Variants in ZFP14 observed in about 807,000 individuals in gnomAD.
ZFP14 encodes the protein zinc finger protein 14 homolog.
ZFP14 carries 22 observed loss-of-function variants against 54.5 expected under a neutral mutation model. That is an observed-to-expected ratio of 0.40 (90% CI 0.29 to 0.58). ZFP14 has a LOEUF of 0.58. Among genes scored for constraint, ZFP14 ranks in the 20% least tolerant of loss-of-function variants. The probability of loss-of-function intolerance (pLI) is 0.39; values close to 1 mark genes in which losing one functional copy is unlikely to be tolerated. For synonymous variants in ZFP14, 159 were observed against 204.0 expected, an observed-to-expected ratio of 0.78 and a Z score of 1.88; for missense variants, 470 against 637.8, an observed-to-expected ratio of 0.74 and a Z score of 2.83.
chr19:36,362,541 T>C (rs770060231), intron 2 of ZFP14, among the ~76,000 whole-genome samples: 2 of 152,182 alleles, frequency 1.3e-5, no homozygotes, highest in Non-Finnish European at 2.9e-5. Flanking sequence ...CGCAAGCCTT[T>C]TGAATACTAT....
At chr19:36,345,092 C>T (rs757630128) in intron 4 of ZFP14, among the ~76,000 whole-genome samples, 2 of 152,092 alleles carry the variant, frequency 1.3e-5, no homozygotes, top group African/African-American at 2.4e-5. Flanking sequence ...AGAGAAACCC[C>T]ATCTCTACTA....
At chr19:36,363,953 G>A (rs1324669234) in intron 2 of ZFP14, among the ~76,000 whole-genome samples, 3 of 151,184 alleles carry the variant, frequency 2.0e-5, no homozygotes, top group Non-Finnish European at 4.4e-5. Context: ...TCACACTACT[G>A]CACTCCAGCC....
rs1258898824 is a variant in ZFP14, at chr19:36,337,631, C to T, written c.*2593G>A. On this transcript the variant is annotated 3_prime_UTR_variant, in exon 5 of 5. Coordinates refer to ENST00000270001, the MANE Select transcript of ZFP14 (RefSeq NM_020917.3). Reference sequence around the variant, plus strand: ...TCAGTGGAGGATCCTGGAACCAATTCCCCATGGATACCAAGGGATGACCAT... The same window carrying T: ...TCAGTGGAGGATCCTGGAACCAATTTCCCATGGATACCAAGGGATGACCAT... 2 of 141,456 alleles carry T rather than the reference C, an allele frequency of 1.4e-5. No homozygotes were observed. Among genetic ancestry groups the T allele is most frequent in the Middle Eastern group, 3.3e-3 (1 of 306 alleles). The allele number at this position is 141,456 out of a possible 1,614,324, so 8.8% of individuals were successfully genotyped here. A position where few individuals can be genotyped will look rare whatever the true frequency, so the allele number is the denominator to read the frequency against.
chr19:36,342,427 T>TC (rs1473883767), intron 4 of ZFP14, among the ~76,000 whole-genome samples: 2 of 152,032 alleles, frequency 1.3e-5, no homozygotes, highest in African/African-American at 4.8e-5. Flanking sequence ...CCTCAGGTGA[T>TC]CCGCCCGCCT....
chr19:36,369,960 A>T (rs1421500170), intron 1 of ZFP14, among the ~76,000 whole-genome samples: 2 of 152,116 alleles, frequency 1.3e-5, no homozygotes, highest in Admixed American at 6.6e-5. Context: ...TCAGATTCCC[A>T]AGCAGTTGGG....
chr19:36,357,292 C>T (rs978056942), intron 4 of ZFP14, among the ~76,000 whole-genome samples: 1 of 152,212 alleles, frequency 6.6e-6, no homozygotes, highest in African/African-American at 2.4e-5. Flanking sequence ...ATCTGCCCGC[C>T]TTGGCCTCCC....
rs1383298707 is a variant in ZFP14, at chr19:36,334,751, T to C, written c.*5473A>G. The stretch of plus-strand genomic sequence containing the variant: ...TGGTAGCATCTAACAAAGCTGTTCC[T>C]ATTCCAGATATTCGGACTGAGAATT... On this transcript the variant is annotated 3_prime_UTR_variant, in exon 5 of 5. Transcript: ENST00000270001. The C allele has an allele frequency of 6.6e-6, 1 of 152,248 alleles. No homozygotes were observed. Among genetic ancestry groups the C allele is most frequent in the Admixed American group, 6.5e-5 (1 of 15,292 alleles). The allele number at this position is 152,248 out of a possible 1,614,324, so 9.4% of individuals were successfully genotyped here.
At position 36,356,139 on chromosome 19, in the gene ZFP14, C is replaced by CATGGATTTG. The variant is rs1461506444; in HGVS notation, c.235+4295_235+4296insCAAATCCAT. Among the ~76,000 whole-genome samples, 19 of 102,914 alleles carry CATGGATTTG rather than the reference C, an allele frequency of 1.8e-4. 1 individual carries two copies. Among genetic ancestry groups the CATGGATTTG allele is most frequent in the East Asian group, 5.6e-4 (2 of 3,542 alleles). 67.5% of individuals were successfully genotyped at this position (102,914 alleles called of 152,430 possible). A position where few individuals can be genotyped will look rare whatever the true frequency, so the allele number is the denominator to read the frequency against. On this transcript the variant is annotated intron_variant, in intron 4 of 4. Transcript: ENST00000270001. ...GGTAAGTATAGCACAATATTCAAAA[C>CATGGATTTG]AAGAAATTAATGGGGCTGGGCGCAG... is the stretch of plus-strand genomic sequence containing the variant.
chr19:36,341,226 A>G lies in ZFP14; in HGVS notation c.600T>C (p.Tyr200=). The part of the protein sequence containing the change: ...HLRIHTGEKP[Y]KCKECGQAFR... ...AGGCCTGCCCACATTCCTTACACTT[A>G]TAAGGTTTCTCACCAGTATGAATTC... is the stretch of plus-strand genomic sequence containing the variant. Residue 200 remains tyrosine (Y), a synonymous_variant, in exon 5 of 5, where the codon TAT becomes TAC. Transcript: ENST00000270001. The surrounding 1 kb of genome is among the most constrained non-coding windows in gnomAD (Gnocchi z 4.2). 1.2e-6 allele frequency: 2 copies of G among 1,614,194 alleles called. No homozygotes were observed. Among genetic ancestry groups the G allele is most frequent in the Middle Eastern group, 1.6e-4 (1 of 6,062 alleles).
intron 1 of ZFP14, among the ~76,000 whole-genome samples, chr19:36,376,073 A>C (rs984292568): frequency 1.3e-5 from 2 of 152,076 alleles, no homozygotes; most frequent in African/African-American, 4.8e-5. Flanking sequence ...ATTTTTCTGC[A>C]TGATATTAGA....
chr19:36,365,656 T>TA (rs11410571), intron 2 of ZFP14, among the ~76,000 whole-genome samples: 95,905 of 150,346 alleles, frequency 0.64, 30,945 homozygotes, highest in African/African-American at 0.74. Flanking sequence ...TTTTTGTTTT[T>TA]TAAAAAAAAG....
intron 4 of ZFP14, among the ~76,000 whole-genome samples, chr19:36,357,270 C>G (rs1013305941): frequency 2.6e-5 from 4 of 152,018 alleles, no homozygotes; most frequent in Non-Finnish European, 4.4e-5. Flanking sequence ...CTCAAACTCC[C>G]AATATCAGGC....
intron 2 of ZFP14, among the ~76,000 whole-genome samples, chr19:36,366,463 T>C (rs187064124): frequency 1.6e-3 from 237 of 152,010 alleles, no homozygotes; most frequent in African/African-American, 5.1e-3. Flanking sequence ...CGTCTATAGG[T>C]GTGCCACCAT....
At chr19:36,367,520 G>A (rs770140935) in intron 2 of ZFP14, among the ~76,000 whole-genome samples, 5 of 151,846 alleles carry the variant, frequency 3.3e-5, no homozygotes, top group Non-Finnish European at 4.4e-5. Flanking sequence ...TTGCTCTGTC[G>A]CCCCAGCTGG....
At chr19:36,370,047 C>T (rs1437698900) in intron 1 of ZFP14, among the ~76,000 whole-genome samples, 1 of 152,140 alleles carries the variant, frequency 6.6e-6, no homozygotes, top group African/African-American at 2.4e-5. Context: ...CAAAATAGTT[C>T]TTTCCATCTA....
At position 36,340,728 on chromosome 19, in the gene ZFP14, T is replaced by C. The variant is rs1227595496; in HGVS notation, c.1098A>G (p.Lys366=). ...TCCCACATTCCTTACATTCGTAGGG[T>C]TTCTCACCAGTATGAATACTCTGAT... is the stretch of plus-strand genomic sequence containing the variant. ...TVHQSIHTGE[K]PYECKECGKT... The change falls in exon 5 of 5, where the codon AAA becomes AAG. Residue 366 remains lysine (K), a synonymous_variant. Coordinates refer to ENST00000270001, the MANE Select transcript of ZFP14 (RefSeq NM_020917.3). This position sits in a 1 kb window ranked among gnomAD's most constrained non-coding sequence, Gnocchi z 5.4. 1.2e-6 allele frequency: 2 copies of C among 1,613,788 alleles called. No individual in the cohort carries two copies. Among genetic ancestry groups the C allele is most frequent in the East Asian group, 2.2e-5 (1 of 44,866 alleles).
chr19:36,361,514 ACAGG>A (rs2031710305), intron 3 of ZFP14, among the ~76,000 whole-genome samples: 1 of 151,770 alleles, frequency 6.6e-6, no homozygotes, highest in Admixed American at 6.6e-5. Context: ...TGCTAGGATT[ACAGG>A]CATGAGCCAC....
chr19:36,341,343 C>G lies in ZFP14; in HGVS notation c.483G>C (p.Glu161Asp). The G allele has an allele frequency of 1.9e-6, 3 of 1,614,158 alleles. No homozygotes were observed. The highest frequency in any genetic ancestry group is 1.7e-6 in the Non-Finnish European group (2 of 1,180,020). ...TTTCTCCATTATGAACGATCTGATA[C>G]TCAGTAAGAAAATTGTGCCTTTTGT... ...TTYKRHNFLTEYQIVHNGEKV... is the reference protein window; with the variant it reads ...TTYKRHNFLTDYQIVHNGEKV... Residue 161 changes from glutamate to aspartate, a missense_variant, in exon 5 of 5, where the codon GAG (glutamate) becomes GAC (aspartate). Transcript: ENST00000270001. The surrounding 1 kb of genome is among the most constrained non-coding windows in gnomAD (Gnocchi z 4.2).
intron 1 of ZFP14, among the ~76,000 whole-genome samples, chr19:36,371,907 A>G (rs2031882240): frequency 6.9e-6 from 1 of 144,612 alleles, no homozygotes. Context: ...GCAGTGAGCT[A>G]TGATCATGCC....
Sources: gnomAD v4.1 joint callset for allele counts (sites outside exome capture counted in the v4.1 genomes callset) on GRCh38, gnomAD v4.1.1 for gene constraint, Gnocchi (gnomAD v3.1) non-coding constraint, MANE v1.5 for transcripts, NCBI Gene and HGNC (gene_info 2026-07-23, HGNC 2026-07-21) for gene names.